SERP2: variants seen among roughly 807,000 people sequenced by gnomAD.
The protein encoded by SERP2 is stress-associated endoplasmic reticulum protein 2.
In SERP2, 6 loss-of-function variants were observed where a neutral mutation model predicts 9.1. The observed-to-expected ratio is 0.66, with a 90% CI of 0.36 to 1.30. The LOEUF is 1.30. SERP2 is among the 50% of genes most tolerant of loss of function. SERP2 has a pLI of 0.03. For synonymous variants in SERP2, 37 were observed against 27.3 expected, an observed-to-expected ratio of 1.35 and a Z score of -1.10; for missense variants, 58 against 81.9, an observed-to-expected ratio of 0.71 and a Z score of 1.13.
At chr13:44,374,525 C>T (rs1871528343) in intron 1 of SERP2, among the ~76,000 whole-genome samples, 1 of 152,136 alleles carries the variant, frequency 6.6e-6, no homozygotes, top group South Asian at 2.1e-4. Flanking sequence ...TAGAACGTTG[C>T]ATGACACAGA....
intron 2 of SERP2, among the ~76,000 whole-genome samples, chr13:44,390,157 G>A (rs1001831304): frequency 3.9e-5 from 6 of 152,132 alleles, no homozygotes; most frequent in Admixed American, 3.3e-4. Context: ...AAAAGCTCCT[G>A]CTAAAACATC....
chr13:44,394,103 G>A (rs772136414), intron 2 of SERP2, among the ~76,000 whole-genome samples: 63 of 152,058 alleles, frequency 4.1e-4, no homozygotes, highest in Non-Finnish European at 6.3e-4. Context: ...GTTCTGAGAC[G>A]TGCAAACTTT....
At chr13:44,390,214 T>C (rs1872553668) in intron 2 of SERP2, 1 of 293,178 alleles carries the variant, frequency 3.4e-6, no homozygotes. Context: ...AGGTTCCTGA[T>C]GTGCAGCCAT....
At chr13:44,395,850 T>G (rs749583192) in intron 2 of SERP2, 3 of 457,138 alleles carry the variant, frequency 6.6e-6, no homozygotes, top group South Asian at 4.7e-5. Context: ...ATTGGTGTAG[T>G]AATACAAGAG....
intron 2 of SERP2, among the ~76,000 whole-genome samples, chr13:44,391,873 G>T (rs1872789924): frequency 6.6e-6 from 1 of 152,048 alleles, no homozygotes; most frequent in Non-Finnish European, 1.5e-5. Context: ...CTAGGGAATA[G>T]GGTGGGGTAG....
intron 2 of SERP2, chr13:44,395,981 G>A (rs1566096594): frequency 1.3e-5 from 5 of 388,218 alleles, no homozygotes; most frequent in Non-Finnish European, 2.6e-5. Flanking sequence ...CCTCTGTAAT[G>A]AGATCACAGC....
Position 44,373,935 on chromosome 13 carries a change from C to G in SERP2, c.-91C>G. 8.0e-7 allele frequency: 1 copy of G among 1,242,984 alleles called. No individual in the cohort carries two copies. The highest frequency in any genetic ancestry group is 1.1e-6 in the Non-Finnish European group (1 of 886,376). 77.0% of individuals were successfully genotyped at this position (1,242,984 alleles called of 1,614,324 possible). ...CCACCTGCAGCGCCCGGGTGGGCCG[C>G]GGGGGCCTCGGCGGGACGCGCTCGG... On this transcript the variant is annotated 5_prime_UTR_variant, in exon 1 of 3. Coordinates refer to ENST00000379179, the MANE Select transcript of SERP2 (RefSeq NM_001010897.3). The surrounding 1 kb of genome is among the most constrained non-coding windows in gnomAD (Gnocchi z 4.8).
At chr13:44,374,181 G>GGGGGGGGGGGGGGGGGGGGGGGGGGGGC in intron 1 of SERP2, 72 bp downstream of exon 1, 1 of 448,636 alleles carries the variant, frequency 2.2e-6, no homozygotes, top group South Asian at 3.4e-5. Context: ...TGGGGGCGGG[G>GGGGGGGGGGGGGGGGGGGGGGGGGGGGC]CCGGGCGGGT....
chr13:44,379,655 G>A lies in SERP2; in HGVS notation c.99G>A (p.Glu33=), dbSNP rs1295678738. ...TTCCCTTTTAGAGGCCGCAAGAGGA[G>A]AAATATCCTGTGGGACCATGGCTGT... ...NVAKTLRPQE[E]KYPVGPWLLA... is the part of the protein sequence containing the mutation. The change falls in exon 2 of 3, where the codon GAG becomes GAA. Residue 33 remains glutamate (E), a synonymous_variant. Transcript: ENST00000379179. 1 of 1,612,688 alleles carries A rather than the reference G, an allele frequency of 6.2e-7. No homozygotes were observed. Among genetic ancestry groups the A allele is most frequent in the African/African-American group, 1.3e-5 (1 of 74,998 alleles).
At chr13:44,378,577 TTG>T (rs1451517530) in intron 1 of SERP2, among the ~76,000 whole-genome samples, 2 of 152,346 alleles carry the variant, frequency 1.3e-5, no homozygotes, top group African/African-American at 2.4e-5. Context: ...ACGTTTTTCT[TTG>T]TGTGTTTTGC....
At chr13:44,386,179 C>T (rs1661911663) in intron 2 of SERP2, among the ~76,000 whole-genome samples, 1 of 152,006 alleles carries the variant, frequency 6.6e-6, no homozygotes, top group Admixed American at 6.5e-5. Context: ...CAATGAACAG[C>T]AGTTTGTCCT....
intron 1 of SERP2, among the ~76,000 whole-genome samples, chr13:44,378,425 T>C (rs1871783273): frequency 6.6e-6 from 1 of 152,242 alleles, no homozygotes; most frequent in Admixed American, 6.5e-5. Context: ...GGTATTTGTA[T>C]GGATATGAAC....
intron 1 of SERP2, among the ~76,000 whole-genome samples, chr13:44,378,062 G>A (rs1488728152): frequency 5.3e-5 from 8 of 152,164 alleles, no homozygotes; most frequent in Non-Finnish European, 1.0e-4. Flanking sequence ...ACCCAAGTGA[G>A]GTAAAAGAGA....
At chr13:44,391,050 T>C (rs569658730) in intron 2 of SERP2, 1 of 152,358 alleles carries the variant, frequency 6.6e-6, no homozygotes, top group South Asian at 2.1e-4. Flanking sequence ...TTGATCTCTT[T>C]TATCATCAAT....
At chr13:44,374,339 G>T (rs1318242260) in intron 1 of SERP2, among the ~76,000 whole-genome samples, 1 of 152,164 alleles carries the variant, frequency 6.6e-6, no homozygotes, top group Admixed American at 6.5e-5. Context: ...GGCCCCTCTG[G>T]GAGTGGCTAC....
intron 2 of SERP2, among the ~76,000 whole-genome samples, chr13:44,381,762 TC>T (rs1871994152): frequency 6.6e-6 from 1 of 152,162 alleles, no homozygotes; most frequent in Non-Finnish European, 1.5e-5. Context: ...CAGATAAACT[TC>T]CTGCAACCCC....
intron 2 of SERP2, among the ~76,000 whole-genome samples, chr13:44,382,344 G>A (rs1872031950): frequency 6.6e-6 from 1 of 150,604 alleles, no homozygotes. Flanking sequence ...GGCTGAGGCA[G>A]GAGAATGGCG....
intron 2 of SERP2, among the ~76,000 whole-genome samples, chr13:44,393,114 T>TAAGCGAC (rs1872880896): frequency 6.6e-6 from 1 of 152,144 alleles, no homozygotes; most frequent in Non-Finnish European, 1.5e-5. Flanking sequence ...CCTGTTACAC[T>TAAGCGAC]AAGCGACTCA....
intron 2 of SERP2, among the ~76,000 whole-genome samples, chr13:44,387,916 T>A (rs1430514705): frequency 6.6e-6 from 1 of 152,220 alleles, no homozygotes; most frequent in African/African-American, 2.4e-5. Flanking sequence ...CATTTCCTAA[T>A]TAGAGATTAT....
Sources: allele counts gnomAD v4.1 joint callset (sites outside exome capture counted in the v4.1 genomes callset), GRCh38; gene constraint gnomAD v4.1.1; non-coding constraint Gnocchi (gnomAD v3.1); transcripts MANE v1.5; gene names NCBI Gene and HGNC (gene_info 2026-07-23, HGNC 2026-07-21).